ERBB2: variants seen among roughly 807,000 people sequenced by gnomAD.
ERBB2 encodes receptor tyrosine-protein kinase erbB-2.
ERBB2 carries 61 observed loss-of-function variants against 149.0 expected under a neutral mutation model. The ratio of observed to expected loss-of-function variants is 0.41; its 90% confidence interval spans 0.33 to 0.51. The LOEUF (loss-of-function observed/expected upper bound fraction) is 0.51. Ranked by LOEUF, ERBB2 falls within the 20% of genes least tolerant of loss-of-function variation. The probability of loss-of-function intolerance (pLI) is 0.25; values close to 1 mark genes in which losing one functional copy is unlikely to be tolerated. For missense variants in ERBB2, 1,205 were observed against 1,655.1 expected (o/e 0.73, Z 4.72); for synonymous variants, 633 against 678.8 (o/e 0.93, Z 1.05).
chr17:39,722,372 G>A (rs1039468982), intron 16 of ERBB2, among the ~76,000 whole-genome samples: 5 of 151,980 alleles, frequency 3.3e-5, no homozygotes, highest in African/African-American at 4.8e-5. Flanking sequence ...GTGTGGTGGC[G>A]TGTGTCTGTA....
chr17:39,716,376 A>G lies in ERBB2; in HGVS notation c.1589A>G (p.Asn530Ser), dbSNP rs771580372. The G allele has an allele frequency of 1.2e-5, 19 of 1,608,738 alleles. No homozygotes were observed. The highest frequency in any genetic ancestry group is 2.7e-5 in the African/African-American group (2 of 74,806). Residue 530 changes from asparagine to serine, a missense_variant, in exon 13 of 27, where the codon AAC becomes AGC. By Grantham distance (46) the Asn-to-Ser change is conservative (BLOSUM62 1). Transcript: ENST00000269571. ...GGTCCAGGGCCCACCCAGTGTGTCA[A>G]CTGCAGCCAGTTCCTTCGGGGCCAG... is the stretch of plus-strand genomic sequence containing the variant. ...CWGPGPTQCV[N>S]CSQFLRGQEC...
At chr17:39,694,236 T>A (rs1356964086), upstream of ERBB2, among the ~76,000 whole-genome samples, 4 of 18,332 alleles carry the variant, frequency 2.2e-4, no homozygotes, top group Admixed American at 5.1e-4. Context: ...AATATATATA[T>A]ATATATATAT....
In ERBB2 at chr17:39,726,177, T is replaced by C; in HGVS notation, c.2872+324T>C. 1 of 387,766 alleles carries C rather than the reference T, an allele frequency of 2.6e-6. No individual in the cohort carries two copies. Among genetic ancestry groups the C allele is most frequent in the Non-Finnish European group, 4.7e-6 (1 of 213,570 alleles). The allele number at this position is 387,766 out of a possible 1,614,324, so 24.0% of individuals were successfully genotyped here. On this transcript the variant is annotated intron_variant, in intron 23 of 26. Coordinates refer to ENST00000269571, the MANE Select transcript of ERBB2 (RefSeq NM_004448.4). This position sits in a 1 kb window ranked among gnomAD's most constrained non-coding sequence, Gnocchi z 5.1. The stretch of plus-strand genomic sequence containing the variant: ...AGTGAGATCCTATCTCTACAAAAAA[T>C]AAAAAAATTATCTGGGTGTGGTGGT...
intron 16 of ERBB2, among the ~76,000 whole-genome samples, chr17:39,720,870 G>C (rs1293022414): frequency 6.6e-6 from 1 of 152,138 alleles, no homozygotes; most frequent in East Asian, 1.9e-4. Context: ...GGATGGTCTC[G>C]ATCTCTTGAC....
At chr17:39,724,642 C>A (rs2145842548) in intron 19 of ERBB2, 84 bp from the exon 20 acceptor site, 1 of 1,253,120 alleles carries the variant, frequency 8.0e-7, no homozygotes, top group Non-Finnish European at 1.2e-6. Flanking sequence ...TGGGCCATGG[C>A]TGTGGTTTGT....
Position 39,727,146 on chromosome 17 carries a change from C to A in ERBB2, c.3159+143C>A. On this transcript the variant is annotated intron_variant, in intron 25 of 26. Transcript: ENST00000269571. This position sits in a 1 kb window ranked among gnomAD's most constrained non-coding sequence, Gnocchi z 4.3. ...CCTACAAAAAATTCTTACTGCCTTC[C>A]AACCCCTGTGACCCCATTCTCTCCA... is the stretch of plus-strand genomic sequence containing the variant. 2 of 1,238,436 alleles carry A rather than the reference C, an allele frequency of 1.6e-6. No homozygotes were observed. The highest frequency in any genetic ancestry group is 2.3e-6 in the Non-Finnish European group (2 of 881,148). 76.7% of individuals were successfully genotyped at this position (1,238,436 alleles called of 1,614,324 possible).
chr17:39,697,341 G>GTTGTTTT (rs2057886106), upstream of ERBB2, among the ~76,000 whole-genome samples: 4 of 137,848 alleles, frequency 2.9e-5, no homozygotes, highest in African/African-American at 8.6e-5. Context: ...TGCTAGGGTT[G>GTTGTTTT]TTTTTTTGTT....
At chr17:39,695,656 C>G (rs1191869519), upstream of ERBB2, among the ~76,000 whole-genome samples, 1 of 148,838 alleles carries the variant, frequency 6.7e-6, no homozygotes, top group Non-Finnish European at 1.5e-5. Context: ...CCTCTGACCC[C>G]AAGCTGGCTG....
chr17:39,716,968 G>A lies in ERBB2; in HGVS notation c.1738-352G>A, dbSNP rs974321551. 14 of 436,150 alleles carry A rather than the reference G, an allele frequency of 3.2e-5. No homozygotes were observed. In the South Asian group the frequency reaches 4.7e-4, roughly 15 times the overall value. The allele number at this position is 436,150 out of a possible 1,614,324, so 27.0% of individuals were successfully genotyped here. On this transcript the variant is annotated intron_variant, in intron 14 of 26. Transcript: ENST00000269571. Reference sequence around the variant, plus strand: ...ATTGTAATAATACCTACCTTGCTGGGGTGTGGCAAGAATGAAATTAAACAG... The same window carrying A: ...ATTGTAATAATACCTACCTTGCTGGAGTGTGGCAAGAATGAAATTAAACAG...
chr17:39,726,534 T>TA lies in ERBB2; in HGVS notation c.2873-27dup. On this transcript the variant is annotated intron_variant, in intron 23 of 26. Transcript: ENST00000269571. This position sits in a 1 kb window ranked among gnomAD's most constrained non-coding sequence, Gnocchi z 5.1. ...GCAGCAAGCACACAGGGCCTGGGAC[T>TA]AGCATGCTGACCTCCCTCCTGCCCC... 6.3e-7 allele frequency: 1 copy of TA among 1,590,288 alleles called. No individual in the cohort carries two copies. The highest frequency in any genetic ancestry group is 1.1e-5 in the South Asian group (1 of 90,508).
rs2145874519 is a variant in ERBB2 at position 39,725,335 on chromosome 17, C to T, written c.2658C>T (p.Ile886=). The T allele has an allele frequency of 5.0e-6, 8 of 1,613,858 alleles. No homozygotes were observed. The highest frequency in any genetic ancestry group is 6.8e-6 in the Non-Finnish European group (8 of 1,179,956). The change falls in exon 22 of 27, where the codon ATC becomes ATT. Residue 886 remains isoleucine (I), a synonymous_variant. Transcript: ENST00000269571. This position sits in a 1 kb window ranked among gnomAD's most constrained non-coding sequence, Gnocchi z 4.6. ...EYHADGGKVP[I]KWMALESILR... ...CTCTTCTGCCCTCCCAGGTGCCCAT[C>T]AAGTGGATGGCGCTGGAGTCCATTC...
chr17:39,699,937 G>T, upstream of ERBB2: 1 of 1,134,592 alleles, frequency 8.8e-7, no homozygotes. Context: ...GCCACTCCCA[G>T]ACTTGTTGGA....
chr17:39,708,361 A>G lies in ERBB2; in HGVS notation c.266A>G (p.Asn89Ser). 6.2e-7 allele frequency: 1 copy of G among 1,614,160 alleles called. No individual in the cohort carries two copies. The change falls in exon 3 of 27, where the codon AAC (asparagine) becomes AGC (serine). Residue 89 changes from asparagine to serine, a missense_variant. Physicochemically the swap from Asn to Ser is conservative, Grantham distance 46. Around this residue, in one of 6 missense-constraint regions of ERBB2, gnomAD observed 569 missense variants for 803.5 expected, o/e 0.71. Coordinates refer to ENST00000269571, the MANE Select transcript of ERBB2 (RefSeq NM_004448.4). ...CAGGGCTACGTGCTCATCGCTCACA[A>G]CCAAGTGAGGCAGGTCCCACTGCAG... The part of the protein sequence containing the change: ...EVQGYVLIAH[N>S]QVRQVPLQRL...
At chr17:39,694,271 G>C (rs1459969212), upstream of ERBB2, among the ~76,000 whole-genome samples, 1 of 26,654 alleles carries the variant, frequency 3.8e-5, no homozygotes, top group Non-Finnish European at 8.7e-5. Context: ...ATATATATGT[G>C]TGTATATATA....
intron 1 of ERBB2, among the ~76,000 whole-genome samples, chr17:39,702,170 C>T (rs548080609): frequency 6.6e-6 from 1 of 152,326 alleles, no homozygotes; most frequent in African/African-American, 2.4e-5. Context: ...TGTGATTACA[C>T]GTGCCTGTAG....
At chr17:39,719,343 A>G (rs895641286) in intron 15 of ERBB2, among the ~76,000 whole-genome samples, 9 of 152,232 alleles carry the variant, frequency 5.9e-5, no homozygotes, top group Non-Finnish European at 1.0e-4. Flanking sequence ...GAACATGGAA[A>G]AACATTGCAA....
In ERBB2 at chr17:39,726,663, C is replaced by A. The variant is rs1227322516; in HGVS notation, c.2970+4C>A. On this transcript the variant is annotated splice_donor_region_variant and intron_variant, in intron 24 of 26. Transcript: ENST00000269571. This position sits in a 1 kb window ranked among gnomAD's most constrained non-coding sequence, Gnocchi z 5.1. Reference sequence around the variant, plus strand: ...CCAGCGCTTTGTGGTCATCCAGGTACTGGGCCTCTGTGCCCCATCCCTGCC... The same window carrying A: ...CCAGCGCTTTGTGGTCATCCAGGTAATGGGCCTCTGTGCCCCATCCCTGCC... The A allele has an allele frequency of 6.2e-7, 1 of 1,613,766 alleles. No homozygotes were observed. Among genetic ancestry groups the A allele is most frequent in the African/African-American group, 1.3e-5 (1 of 75,056 alleles).
upstream of ERBB2, among the ~76,000 whole-genome samples, chr17:39,696,212 T>G (rs2057860386): frequency 6.6e-6 from 1 of 152,086 alleles, no homozygotes; most frequent in South Asian, 2.1e-4. Context: ...AGACGAGGTT[T>G]TTTCCTCTGG....
upstream of ERBB2, among the ~76,000 whole-genome samples, chr17:39,697,617 A>G (rs535666137): frequency 1.3e-5 from 2 of 151,986 alleles, no homozygotes; most frequent in South Asian, 4.2e-4. Flanking sequence ...TGGCCTCCCA[A>G]AGTGCTGCAA....
Sources: allele counts gnomAD v4.1 joint callset (sites outside exome capture counted in the v4.1 genomes callset), GRCh38; gene constraint gnomAD v4.1.1; regional missense constraint gnomAD v4.1.1; non-coding constraint Gnocchi (gnomAD v3.1); transcripts MANE v1.5; gene names NCBI Gene and HGNC (gene_info 2026-07-23, HGNC 2026-07-21).